DPYD: variants seen among roughly 807,000 people sequenced by gnomAD.
DPYD encodes the protein dihydropyrimidine dehydrogenase, also known as dihydropyrimidine dehydrogenase [NADP(+)].
In DPYD, 109 loss-of-function variants were observed where a neutral mutation model predicts 116.2. That is an observed-to-expected ratio of 0.94 (90% CI 0.80 to 1.10). The LOEUF is 1.10. Ranked by LOEUF, DPYD falls within the 50% of genes least tolerant of loss-of-function variation. The pLI is 0.00. For synonymous variants in DPYD, 440 were observed against 432.0 expected (o/e 1.02, Z -0.23); for missense variants, 1,302 against 1,254.5 (o/e 1.04, Z -0.57).
At chr1:97,730,746 A>C (rs1663547313) in intron 4 of DPYD, among the ~76,000 whole-genome samples, 1 of 152,056 alleles carries the variant, frequency 6.6e-6, no homozygotes, top group Non-Finnish European at 1.5e-5. Flanking sequence ...TGAAGAGAGA[A>C]AGAAAAAGAT....
At chr1:97,373,463 T>C in intron 16 of DPYD, 98 bp downstream of exon 16, 1 of 1,029,064 alleles carries the variant, frequency 9.7e-7, no homozygotes, top group Non-Finnish European at 1.5e-6. Context: ...GCCAGTCATC[T>C]GATCCATGCA....
At chr1:97,759,862 T>C (rs978372272) in intron 3 of DPYD, among the ~76,000 whole-genome samples, 1 of 152,250 alleles carries the variant, frequency 6.6e-6, no homozygotes, top group East Asian at 1.9e-4. Context: ...GATCCATAAC[T>C]TACACAATAA....
In DPYD at chr1:97,427,079, T is replaced by C. The variant is rs148428603; in HGVS notation, c.1905+22980A>G. 3.4e-3 allele frequency among the ~76,000 whole-genome samples: 515 copies of C among 152,218 alleles called. 1 individual carries two copies. Among genetic ancestry groups the C allele is most frequent in the African/African-American group, 0.012 (495 of 41,562 alleles). Reference sequence around the variant, plus strand: ...TTATGAACCTATAGTATTTCTTAGTTAATCTTCAAATAAGTCCTTTAAGAA... The same window carrying C: ...TTATGAACCTATAGTATTTCTTAGTCAATCTTCAAATAAGTCCTTTAAGAA... On this transcript the variant is annotated intron_variant, in intron 14 of 22. Transcript: ENST00000370192.
At chr1:97,752,134 A>C (rs1664964500) in intron 3 of DPYD, among the ~76,000 whole-genome samples, 1 of 152,078 alleles carries the variant, frequency 6.6e-6, no homozygotes, top group Middle Eastern at 3.2e-3. Context: ...ATAGAGGATG[A>C]AATAGCACAT....
chr1:97,584,604 G>A (rs1397267990), intron 10 of DPYD, among the ~76,000 whole-genome samples: 2 of 151,756 alleles, frequency 1.3e-5, no homozygotes, highest in Non-Finnish European at 2.9e-5. Context: ...ATACACCATG[G>A]AATACTATGC....
Position 97,557,827 on chromosome 1 carries a change from T to C in DPYD, c.1340-8083A>G, listed in dbSNP as rs1207449759. ...AATAATCAATCAGCACTTATGGATC[T>C]CTAGTACATGGCAGGCATACTGCTG... is the stretch of plus-strand genomic sequence containing the variant. On this transcript the variant is annotated intron_variant, in intron 11 of 22. Coordinates refer to ENST00000370192, the MANE Select transcript of DPYD (RefSeq NM_000110.4). 2.0e-5 allele frequency among the ~76,000 whole-genome samples: 3 copies of C among 152,204 alleles called. No individual in the cohort carries two copies. The East Asian group carries it at 5.8e-4, about 29-fold the overall frequency.
rs112591574 is a variant in DPYD, at chr1:97,448,460, A to G, written c.1905+1599T>C. Among the ~76,000 whole-genome samples the G allele has an allele frequency of 7.7e-3, 1,171 of 152,320 alleles. 16 individuals carry two copies. Among genetic ancestry groups the G allele is most frequent in the African/African-American group, 0.027 (1,124 of 41,576 alleles). ...AAGATCAAATGAGCTTAAAATAAATAAAACTTTTGTAACTGTGCCTAGCAC... is the reference window on the plus strand; with the variant it reads ...AAGATCAAATGAGCTTAAAATAAATGAAACTTTTGTAACTGTGCCTAGCAC... On this transcript the variant is annotated intron_variant, in intron 14 of 22. Coordinates refer to ENST00000370192, the MANE Select transcript of DPYD (RefSeq NM_000110.4).
chr1:97,134,008 AAAAAAAATATATATATATATATATATAT>A (rs1653549647), intron 20 of DPYD, among the ~76,000 whole-genome samples: 2 of 39,590 alleles, frequency 5.1e-5, no homozygotes, highest in African/African-American at 2.7e-4. Context: ...CAAAAAAAAA[AAAAAAAATATATATATATATATATATAT>A]ATATATATAT....
intron 19 of DPYD, among the ~76,000 whole-genome samples, chr1:97,207,718 T>C (rs1480370072): frequency 6.6e-6 from 1 of 152,178 alleles, no homozygotes; most frequent in Non-Finnish European, 1.5e-5. Context: ...AAAGGACAGA[T>C]AAAACAGAGC....
At position 97,084,255 on chromosome 1, in the gene DPYD, C is replaced by T. The variant is rs188559626; in HGVS notation, c.2767-1785G>A. ...CTGGAGGACACACTTTTCAACTGAC[C>T]CATCTGAGATCTAACATTAGGTTAA... is the stretch of plus-strand genomic sequence containing the variant. On this transcript the variant is annotated intron_variant, in intron 21 of 22. Coordinates refer to ENST00000370192, the MANE Select transcript of DPYD (RefSeq NM_000110.4). Among the ~76,000 whole-genome samples, 738 of 151,988 alleles carry T rather than the reference C, an allele frequency of 4.9e-3. 4 individuals carry two copies. Among genetic ancestry groups the T allele is most frequent in the Non-Finnish European group, 7.1e-3 (485 of 67,944 alleles).
chr1:97,100,781 C>T (rs1650622003), intron 20 of DPYD, among the ~76,000 whole-genome samples: 1 of 151,894 alleles, frequency 6.6e-6, no homozygotes, highest in African/African-American at 2.4e-5. Context: ...CAAATTATTT[C>T]AACAATGGTA....
intron 13 of DPYD, among the ~76,000 whole-genome samples, chr1:97,502,343 C>T (rs1318490308): frequency 6.6e-6 from 1 of 151,900 alleles, no homozygotes; most frequent in Non-Finnish European, 1.5e-5. Context: ...AATGTAAGGG[C>T]CTGAAAATTA....
At chr1:97,825,895 T>G (rs1342993666) in intron 3 of DPYD, among the ~76,000 whole-genome samples, 2 of 152,186 alleles carry the variant, frequency 1.3e-5, no homozygotes, top group African/African-American at 4.8e-5. Flanking sequence ...ACTCAGTCTC[T>G]GGGTCTTCAC....
intron 14 of DPYD, among the ~76,000 whole-genome samples, chr1:97,398,818 T>C (rs981989624): frequency 2.6e-5 from 4 of 152,240 alleles, no homozygotes; most frequent in Non-Finnish European, 1.5e-5. Context: ...GTGAATTTGT[T>C]TGAGTTCTTT....
chr1:97,489,722 A>T (rs1678861041), intron 13 of DPYD, among the ~76,000 whole-genome samples: 1 of 152,210 alleles, frequency 6.6e-6, no homozygotes. Context: ...TACTTGACAC[A>T]TGCATGAACT....
intron 18 of DPYD, among the ~76,000 whole-genome samples, chr1:97,243,584 T>C (rs763409968): frequency 3.3e-5 from 5 of 151,880 alleles, no homozygotes; most frequent in Non-Finnish European, 5.9e-5. Flanking sequence ...TGTCTGGATA[T>C]AAATTAAGCT....
chr1:97,631,985 C>T (rs889739631), intron 8 of DPYD, among the ~76,000 whole-genome samples: 5 of 152,096 alleles, frequency 3.3e-5, no homozygotes, highest in Non-Finnish European at 7.4e-5. Context: ...TACCACCGTT[C>T]GATTGTAATC....
chr1:97,408,245 T>C (rs4319378), intron 14 of DPYD, among the ~76,000 whole-genome samples: 61,265 of 152,008 alleles, frequency 0.4, 12,725 homozygotes, highest in Admixed American at 0.5. Flanking sequence ...GAATGGGTAG[T>C]AGAAGAAGGC....
chr1:97,344,562 TC>T (rs1669746667), intron 16 of DPYD, among the ~76,000 whole-genome samples: 1 of 151,486 alleles, frequency 6.6e-6, no homozygotes, highest in Non-Finnish European at 1.5e-5. Context: ...TCAATTTTTT[TC>T]TCTTTACATT....
Sources: allele counts gnomAD v4.1 joint callset (sites outside exome capture counted in the v4.1 genomes callset), GRCh38; gene constraint gnomAD v4.1.1; transcripts MANE v1.5; gene names NCBI Gene and HGNC (gene_info 2026-07-23, HGNC 2026-07-21).